Variants in BCAS3 observed in about 807,000 individuals in gnomAD.
BCAS3 encodes the protein BCAS3 microtubule associated cell migration factor.
Under a neutral mutation model 116.1 loss-of-function variants are expected in BCAS3, and 53 were observed. That is an observed-to-expected ratio of 0.46 (90% CI 0.37 to 0.57). The LOEUF (loss-of-function observed/expected upper bound fraction) is 0.57. Among genes scored for constraint, BCAS3 ranks in the 20% least tolerant of loss-of-function variants. The pLI is 0.00. For synonymous variants in BCAS3, 391 were observed against 408.2 expected (o/e 0.96, Z 0.51); for missense variants, 917 against 1,165.4 (o/e 0.79, Z 3.10).
Position 60,844,842 on chromosome 17 carries a change from T to G in BCAS3, c.477-23734T>G, listed in dbSNP as rs562390870. ...GACGTGAGGATGGAATAGAGCCAAG[T>G]AGATAGAATACCATGAGTAAAAAAG... On this transcript the variant is annotated intron_variant, in intron 7 of 23. Transcript: ENST00000407086. Among the ~76,000 whole-genome samples the G allele has an allele frequency of 8.5e-5, 13 of 152,278 alleles. No individual in the cohort carries two copies. In the South Asian group the frequency reaches 2.7e-3, roughly 32 times the overall value.
At chr17:61,042,912 A>G (rs370528275) in intron 19 of BCAS3, among the ~76,000 whole-genome samples, 72 of 143,798 alleles carry the variant, frequency 5.0e-4, no homozygotes, top group Middle Eastern at 3.6e-3. Flanking sequence ...AAAAAAAAAA[A>G]AAAGAAAGAA....
At chr17:60,748,513 C>G (rs913719762) in intron 6 of BCAS3, among the ~76,000 whole-genome samples, 2 of 152,124 alleles carry the variant, frequency 1.3e-5, no homozygotes, top group African/African-American at 4.8e-5. Flanking sequence ...GATTCTAGAC[C>G]GTCCTTTTCT....
intron 7 of BCAS3, among the ~76,000 whole-genome samples, chr17:60,809,991 C>T (rs1156566234): frequency 6.6e-6 from 1 of 152,114 alleles, no homozygotes; most frequent in Non-Finnish European, 1.5e-5. Flanking sequence ...TCATAGAATC[C>T]AGAGTAATGT....
At chr17:61,359,486 T>A (rs1391415395) in intron 22 of BCAS3, among the ~76,000 whole-genome samples, 1 of 126,776 alleles carries the variant, frequency 7.9e-6, no homozygotes, top group Non-Finnish European at 1.6e-5. Context: ...AACATCAGGT[T>A]ACTTCAAGGT....
chr17:61,067,317 T>TATATATATATATA (rs2070778205), intron 19 of BCAS3, among the ~76,000 whole-genome samples: 25 of 59,732 alleles, frequency 4.2e-4, no homozygotes, highest in African/African-American at 8.5e-4. Context: ...ATATATATAT[T>TATATATATATATA]TATACAGACT....
chr17:60,771,064 T>C (rs1167670264), intron 6 of BCAS3, among the ~76,000 whole-genome samples: 2 of 151,964 alleles, frequency 1.3e-5, no homozygotes. Flanking sequence ...TGCCTTGGCC[T>C]CCCAAAGTGC....
chr17:60,845,199 A>T (rs1448960748), intron 7 of BCAS3, among the ~76,000 whole-genome samples: 2 of 152,268 alleles, frequency 1.3e-5, no homozygotes. Context: ...ATTGCACTCC[A>T]GCCCAGGCAA....
In BCAS3 at chr17:61,215,176, C is replaced by T. The variant is rs904089135; in HGVS notation, c.2425+130612C>T. ...GAAAATGGAGGACAAGGATACATTTCACCTATGTCTTATGCTTTAACTCTT... is the reference window on the plus strand; with the variant it reads ...GAAAATGGAGGACAAGGATACATTTTACCTATGTCTTATGCTTTAACTCTT... On this transcript the variant is annotated intron_variant, in intron 22 of 23. Transcript: ENST00000407086. The surrounding 1 kb of genome is among the most constrained non-coding windows in gnomAD (Gnocchi z 4.8). Among the ~76,000 whole-genome samples, 2 of 152,204 alleles carry T rather than the reference C, an allele frequency of 1.3e-5. No individual in the cohort carries two copies. The highest frequency in any genetic ancestry group is 4.8e-5 in the African/African-American group (2 of 41,456).
rs2058645545 is a variant in BCAS3 at position 61,364,900 on chromosome 17, ACGACCT to A, written c.2426-3425_2426-3420del. ...ACCATAAATGGGGGATAGTACCTCTACGACCTCTCAGGATCATTATGATAGTCAGAA... is the reference window on the plus strand; with the variant it reads ...ACCATAAATGGGGGATAGTACCTCTACTCAGGATCATTATGATAGTCAGAA... On this transcript the variant is annotated intron_variant, in intron 22 of 23. Coordinates refer to ENST00000407086, the MANE Select transcript of BCAS3 (RefSeq NM_017679.5). The surrounding 1 kb of genome is among the most constrained non-coding windows in gnomAD (Gnocchi z 5.4). Among the ~76,000 whole-genome samples, 1 of 152,202 alleles carries A rather than the reference ACGACCT, an allele frequency of 6.6e-6. No individual in the cohort carries two copies. The highest frequency in any genetic ancestry group is 6.5e-5 in the Admixed American group (1 of 15,282).
intron 22 of BCAS3, among the ~76,000 whole-genome samples, chr17:61,174,336 A>G (rs1406573249): frequency 6.6e-6 from 1 of 152,130 alleles, no homozygotes; most frequent in Non-Finnish European, 1.5e-5. Context: ...CCAGCTGCTG[A>G]TAACCACCGT....
Position 61,295,397 on chromosome 17 carries a change from C to T in BCAS3, c.2426-72930C>T, listed in dbSNP as rs73328869. Among the ~76,000 whole-genome samples the T allele has an allele frequency of 4.7e-3, 721 of 152,306 alleles. 6 individuals are homozygous for T. Among genetic ancestry groups the T allele is most frequent in the African/African-American group, 0.016 (670 of 41,572 alleles). On this transcript the variant is annotated intron_variant, in intron 22 of 23. Coordinates refer to ENST00000407086, the MANE Select transcript of BCAS3 (RefSeq NM_017679.5). Reference sequence around the variant, plus strand: ...GCTCCTGGGGAGGATGAGCAGAGAACCCCTGTCTCTGACACTAAATGCCCA... The same window carrying T: ...GCTCCTGGGGAGGATGAGCAGAGAATCCCTGTCTCTGACACTAAATGCCCA...
At chr17:61,197,221 A>C (rs1295666081) in intron 22 of BCAS3, among the ~76,000 whole-genome samples, 1 of 152,236 alleles carries the variant, frequency 6.6e-6, no homozygotes, top group Non-Finnish European at 1.5e-5. Flanking sequence ...AAGACACCAC[A>C]GTGATGAAGA....
intron 5 of BCAS3, among the ~76,000 whole-genome samples, chr17:60,720,648 A>T (rs1202495526): frequency 6.6e-6 from 1 of 152,270 alleles, no homozygotes; most frequent in Non-Finnish European, 1.5e-5. Context: ...TAACACAAAT[A>T]AAAATGACAG....
chr17:61,163,419 G>A (rs901682614), intron 22 of BCAS3, among the ~76,000 whole-genome samples: 42 of 132,392 alleles, frequency 3.2e-4, no homozygotes, highest in Middle Eastern at 7.9e-3. Context: ...GCGAGACTCC[G>A]TCTCAGAAAG....
At chr17:60,898,020 A>G (rs2057626787) in intron 10 of BCAS3, among the ~76,000 whole-genome samples, 1 of 151,982 alleles carries the variant, frequency 6.6e-6, no homozygotes, top group Non-Finnish European at 1.5e-5. Flanking sequence ...GATTACAGGC[A>G]TGAGCCACTG....
At chr17:60,930,619 C>A (rs2059594466) in intron 13 of BCAS3, among the ~76,000 whole-genome samples, 1 of 152,038 alleles carries the variant, frequency 6.6e-6, no homozygotes, top group African/African-American at 2.4e-5. Flanking sequence ...CTGCACCCAG[C>A]TAATTTTTGT....
At position 61,046,068 on chromosome 17, in the gene BCAS3, TAATATATATATATTTATATATATATATAA is replaced by T. The variant is rs2068270128; in HGVS notation, c.2029+5177_2029+5205del. On this transcript the variant is annotated intron_variant, in intron 19 of 23. Transcript: ENST00000407086. ...ATATAATATATATATTATATATATA[TAATATATATATATTTATATATATATATAA>T]TATATATATATATAAAGTAAAATAA... Among the ~76,000 whole-genome samples the T allele has an allele frequency of 7.0e-5, 2 of 28,594 alleles. 1 individual carries two copies. Among genetic ancestry groups the T allele is most frequent in the Non-Finnish European group, 1.0e-4 (2 of 19,740 alleles). The allele number at this position is 28,594 out of a possible 152,430, so 18.8% of individuals were successfully genotyped here. A position where few individuals can be genotyped will look rare whatever the true frequency, so the allele number is the denominator to read the frequency against.
chr17:60,907,031 A>G, intron 11 of BCAS3, among the ~76,000 whole-genome samples: 1 of 152,090 alleles, frequency 6.6e-6, no homozygotes, highest in South Asian at 2.1e-4. Context: ...TTTGTCTTAA[A>G]TTTTTTGTCT....
rs953513861 is a variant in BCAS3, at chr17:61,008,793, T to C, written c.1487-6958T>C. Among the ~76,000 whole-genome samples the C allele has an allele frequency of 2.0e-5, 3 of 152,028 alleles. No homozygotes were observed. Among genetic ancestry groups the C allele is most frequent in the Admixed American group, 6.6e-5 (1 of 15,246 alleles). ...TAGGGAATAGAACATCTACATGATG[T>C]CTTAGAATAGGTAAAGTGTTGCAAA... On this transcript the variant is annotated intron_variant, in intron 15 of 23. Transcript: ENST00000407086. This position sits in a 1 kb window ranked among gnomAD's most constrained non-coding sequence, Gnocchi z 4.6.
Sources: allele counts gnomAD v4.1 joint callset (sites outside exome capture counted in the v4.1 genomes callset), GRCh38; gene constraint gnomAD v4.1.1; non-coding constraint Gnocchi (gnomAD v3.1); transcripts MANE v1.5; gene names NCBI Gene and HGNC (gene_info 2026-07-23, HGNC 2026-07-21).